LMBRD2: variants seen among roughly 807,000 people sequenced by gnomAD.
LMBRD2 encodes G protein-coupled receptor-associated protein LMBRD2.
LMBRD2 carries 55 observed loss-of-function variants against 94.4 expected under a neutral mutation model. That is an observed-to-expected ratio of 0.58 (90% CI 0.47 to 0.73). LMBRD2 has a LOEUF of 0.73. Among genes scored for constraint, LMBRD2 ranks in the 30% least tolerant of loss-of-function variants. The pLI is 0.00. For missense variants in LMBRD2, 640 were observed against 831.9 expected (o/e 0.77, Z 2.84); for synonymous variants, 246 against 272.4 (o/e 0.90, Z 0.95).
chr5:36,136,384 C>T lies in LMBRD2; in HGVS notation c.672G>A (p.Met224Ile). 6.2e-7 allele frequency: 1 copy of T among 1,614,072 alleles called. No individual in the cohort carries two copies. The highest frequency in any genetic ancestry group is 1.1e-5 in the South Asian group (1 of 91,082). Residue 224 changes from methionine to isoleucine, a missense_variant, in exon 6 of 18, where the codon ATG becomes ATA. By Grantham distance (10) the Met-to-Ile change is conservative (BLOSUM62 1). Coordinates refer to ENST00000296603, the MANE Select transcript of LMBRD2 (RefSeq NM_001007527.2). Reference sequence around the variant, plus strand: ...GTTTGGCTGCCTTAAAATACGTTTTCATAAGTAGATAACCCCTTTTTGCTC... The same window carrying T: ...GTTTGGCTGCCTTAAAATACGTTTTTATAAGTAGATAACCCCTTTTTGCTC... The part of the protein sequence containing the change: ...WNGAKRGYLL[M>I]KTYFKAAKLM...
chr5:36,113,793 A>G (rs16902746), intron 13 of LMBRD2, among the ~76,000 whole-genome samples: 4,956 of 152,278 alleles, frequency 0.033, 280 homozygotes, highest in African/African-American at 0.11. Context: ...GAGGCCTGAC[A>G]TGTAAAAAGA....
intron 3 of LMBRD2, among the ~76,000 whole-genome samples, chr5:36,141,564 C>T (rs1341521289): frequency 6.7e-6 from 1 of 149,850 alleles, no homozygotes. Flanking sequence ...CTTTAAAATA[C>T]ACAATCCATT....
intron 6 of LMBRD2, among the ~76,000 whole-genome samples, chr5:36,127,464 T>C (rs1744033165): frequency 6.6e-6 from 1 of 152,206 alleles, no homozygotes; most frequent in Non-Finnish European, 1.5e-5. Flanking sequence ...AGTGGGCTCT[T>C]GGGGCCCCAG....
intron 1 of LMBRD2, among the ~76,000 whole-genome samples, chr5:36,146,150 C>G (rs1013656090): frequency 2.6e-5 from 4 of 152,178 alleles, no homozygotes; most frequent in Non-Finnish European, 4.4e-5. Flanking sequence ...TGGTTACATA[C>G]CTTCCCACAC....
At position 36,101,594 on chromosome 5, in the gene LMBRD2, C is replaced by T. The variant is rs1743347067; in HGVS notation, c.*2452G>A. The T allele has an allele frequency of 6.6e-6, 1 of 151,922 alleles. No homozygotes were observed. Among genetic ancestry groups the T allele is most frequent in the Non-Finnish European group, 1.5e-5 (1 of 67,838 alleles). 9.4% of individuals were successfully genotyped at this position (151,922 alleles called of 1,614,324 possible). ...CACAGGGTGGCTTGACAAATATTAA[C>T]TTGGTTCCCCAGCAATAAACTGAGT... is the stretch of plus-strand genomic sequence containing the variant. On this transcript the variant is annotated 3_prime_UTR_variant, in exon 18 of 18. Transcript: ENST00000296603.
rs748133213 is a variant in LMBRD2, at chr5:36,141,097, T to A, written c.368+10A>T. On this transcript the variant is annotated intron_variant, in intron 4 of 17. Coordinates refer to ENST00000296603, the MANE Select transcript of LMBRD2 (RefSeq NM_001007527.2). ...AAATTTTAAAAATTTTATCATTTAC[T>A]GTAACTTACCATGTTAAAAATTGTG... 7 of 1,498,586 alleles carry A rather than the reference T, an allele frequency of 4.7e-6. No homozygotes were observed. Among genetic ancestry groups the A allele is most frequent in the Non-Finnish European group, 6.4e-6 (7 of 1,089,158 alleles). 92.8% of individuals were successfully genotyped at this position (1,498,586 alleles called of 1,614,324 possible). A position where few individuals can be genotyped will look rare whatever the true frequency, so the allele number is the denominator to read the frequency against.
At chr5:36,121,639 G>A (rs1043590424) in intron 9 of LMBRD2, among the ~76,000 whole-genome samples, 4 of 152,150 alleles carry the variant, frequency 2.6e-5, no homozygotes, top group African/African-American at 9.7e-5. Context: ...AGAGACCCAA[G>A]CTTGTGATGT....
intron 13 of LMBRD2, among the ~76,000 whole-genome samples, chr5:36,113,355 G>A (rs1743661112): frequency 6.6e-6 from 1 of 152,032 alleles, no homozygotes; most frequent in South Asian, 2.1e-4. Flanking sequence ...GCCCTTAAAA[G>A]GGACAGGAAT....
intron 13 of LMBRD2, among the ~76,000 whole-genome samples, chr5:36,113,114 C>G (rs539143196): frequency 6.6e-6 from 1 of 152,154 alleles, no homozygotes; most frequent in Non-Finnish European, 1.5e-5. Flanking sequence ...GAAATGGAAT[C>G]CACAGGCAGA....
chr5:36,148,475 T>G (rs1460142104), intron 1 of LMBRD2, among the ~76,000 whole-genome samples: 2 of 152,202 alleles, frequency 1.3e-5, no homozygotes, highest in Non-Finnish European at 2.9e-5. Flanking sequence ...TACATAGAAA[T>G]TGCAAGACAT....
At chr5:36,115,641 A>T (rs147774529) in intron 11 of LMBRD2, among the ~76,000 whole-genome samples, 174 of 152,308 alleles carry the variant, frequency 1.1e-3, no homozygotes, top group African/African-American at 4.0e-3. Flanking sequence ...AATTAAAAAA[A>T]AATAATATGA....
At chr5:36,126,328 C>G (rs1290623508) in intron 6 of LMBRD2, among the ~76,000 whole-genome samples, 1 of 152,086 alleles carries the variant, frequency 6.6e-6, no homozygotes, top group African/African-American at 2.4e-5. Context: ...AAAACAAGTA[C>G]TGAAACAATT....
Position 36,108,616 on chromosome 5 carries a change from G to GC in LMBRD2, c.1814_1815insG (p.His605GlnfsTer3). 1.9e-6 allele frequency: 3 copies of GC among 1,575,512 alleles called. No homozygotes were observed. The highest frequency in any genetic ancestry group is 1.2e-5 in the South Asian group (1 of 85,536). ...TGTTCCTAGTGGAATCTTCTCTATT[G>GC]TGTCCATAACGTTCTTTCCATTCCT... On this transcript the variant is annotated frameshift_variant, in exon 16 of 18. Transcript: ENST00000296603. LOFTEE classifies it high-confidence loss of function.
In LMBRD2 at chr5:36,117,791, G is replaced by A; in HGVS notation, c.1246C>T (p.Leu416Phe). The change falls in exon 10 of 18, where the codon CTC becomes TTC. Residue 416 changes from leucine to phenylalanine, a missense_variant. Around this residue, in one of 2 missense-constraint regions of LMBRD2, gnomAD observed 457 missense variants for 642.8 expected, o/e 0.71. Coordinates refer to ENST00000296603, the MANE Select transcript of LMBRD2 (RefSeq NM_001007527.2). ...GCCAGCTGTATGAAGACCGCAAAGA[G>A]GGATAAGACAGGAGTAGTGCTAAAG... ...TFFSTTPVLS[L>F]FAVFIQLAEK... The A allele has an allele frequency of 6.2e-7, 1 of 1,613,600 alleles. No homozygotes were observed. Among genetic ancestry groups the A allele is most frequent in the Admixed American group, 1.7e-5 (1 of 59,964 alleles).
intron 12 of LMBRD2, 79 bp downstream of exon 12, chr5:36,114,936 G>A: frequency 1.1e-6 from 1 of 908,426 alleles, no homozygotes; most frequent in Non-Finnish European, 1.7e-6. Context: ...TTTTCTGCTG[G>A]CATTAAAAGA....
intron 6 of LMBRD2, among the ~76,000 whole-genome samples, chr5:36,127,470 C>T (rs75542042): frequency 0.022 from 3,289 of 152,268 alleles, 115 homozygotes; most frequent in African/African-American, 0.076. Context: ...CTCTTGGGGC[C>T]CCAGATTGCA....
Position 36,106,509 on chromosome 5 carries a change from G to GTTTT in LMBRD2, c.1898-1316_1898-1313dup, listed in dbSNP as rs70973085. Among the ~76,000 whole-genome samples the GTTTT allele has an allele frequency of 4.6e-4, 55 of 119,336 alleles. 1 individual carries two copies. Among genetic ancestry groups the GTTTT allele is most frequent in the African/African-American group, 8.0e-4 (22 of 27,614 alleles). 78.3% of individuals were successfully genotyped at this position (119,336 alleles called of 152,430 possible). On this transcript the variant is annotated intron_variant, in intron 16 of 17. Coordinates refer to ENST00000296603, the MANE Select transcript of LMBRD2 (RefSeq NM_001007527.2). ...CAAAATCCCAACTTTTTTTTCTTTC[G>GTTTT]TTTTTTTTTTTTTTTTTTTTGATGG...
chr5:36,148,678 C>A (rs868515333), intron 1 of LMBRD2, among the ~76,000 whole-genome samples: 2 of 152,048 alleles, frequency 1.3e-5, no homozygotes, highest in Non-Finnish European at 2.9e-5. Context: ...AGAAAAAAAA[C>A]AGTGCAGAGA....
At chr5:36,132,766 TTTTA>T (rs1744185365) in intron 6 of LMBRD2, among the ~76,000 whole-genome samples, 2 of 151,952 alleles carry the variant, frequency 1.3e-5, no homozygotes, top group East Asian at 3.9e-4. Context: ...TTCCTTGATA[TTTTA>T]TTTGTGTTAT....
Sources: gnomAD v4.1 joint callset for allele counts (sites outside exome capture counted in the v4.1 genomes callset) on GRCh38, gnomAD v4.1.1 for gene constraint, gnomAD v4.1.1 regional missense constraint, MANE v1.5 for transcripts, NCBI Gene and HGNC (gene_info 2026-07-23, HGNC 2026-07-21) for gene names.